MAPKAP1: variants seen among roughly 807,000 people sequenced by gnomAD.
The protein encoded by MAPKAP1 is MAPK associated protein 1, also known as target of rapamycin complex 2 subunit MAPKAP1.
MAPKAP1 carries 20 observed loss-of-function variants against 65.7 expected under a neutral mutation model. That is an observed-to-expected ratio of 0.30 (90% CI 0.21 to 0.44). The LOEUF is 0.44. Ranked by LOEUF, MAPKAP1 falls within the 20% of genes least tolerant of loss-of-function variation. The pLI is 1.00. For synonymous variants in MAPKAP1, 222 were observed against 244.3 expected (o/e 0.91, Z 0.85); for missense variants, 423 against 648.0 (o/e 0.65, Z 3.77).
intron 3 of MAPKAP1, among the ~76,000 whole-genome samples, chr9:125,668,703 C>G (rs972276963): frequency 1.3e-5 from 2 of 152,136 alleles, no homozygotes; most frequent in Admixed American, 6.5e-5. Context: ...ATATGGCCAG[C>G]CTTTATACAC....
chr9:125,504,593 T>C (rs998339018), intron 8 of MAPKAP1, among the ~76,000 whole-genome samples: 7 of 151,840 alleles, frequency 4.6e-5, no homozygotes, highest in African/African-American at 1.7e-4. Flanking sequence ...CTGGCCAACA[T>C]AGCAAAACTC....
chr9:125,652,648 A>G (rs1377219276), intron 4 of MAPKAP1, among the ~76,000 whole-genome samples: 1 of 152,194 alleles, frequency 6.6e-6, no homozygotes, highest in Non-Finnish European at 1.5e-5. Context: ...CATTCCCCTT[A>G]TATTTAGAAA....
chr9:125,693,784 T>C (rs932406324), intron 1 of MAPKAP1, among the ~76,000 whole-genome samples: 1 of 148,650 alleles, frequency 6.7e-6, no homozygotes, highest in African/African-American at 2.5e-5. Flanking sequence ...TATATACACG[T>C]ATATATATAC....
At chr9:125,645,713 C>A (rs1427993812) in intron 4 of MAPKAP1, among the ~76,000 whole-genome samples, 2 of 132,660 alleles carry the variant, frequency 1.5e-5, no homozygotes, top group African/African-American at 2.9e-5. Flanking sequence ...CTCCGGCCTG[C>A]GTGATGGAGC....
chr9:125,557,011 T>C (rs1171620001), intron 6 of MAPKAP1, among the ~76,000 whole-genome samples: 2 of 152,224 alleles, frequency 1.3e-5, no homozygotes, highest in Non-Finnish European at 2.9e-5. Flanking sequence ...ATAAACTCTC[T>C]TGAATTTTAA....
Position 125,595,986 on chromosome 9 carries a change from T to A in MAPKAP1, c.499-10259A>T. 2 of 1,525,562 alleles carry A rather than the reference T, an allele frequency of 1.3e-6. No homozygotes were observed. The highest frequency in any genetic ancestry group is 1.8e-6 in the Non-Finnish European group (2 of 1,115,292). 94.5% of individuals were successfully genotyped at this position (1,525,562 alleles called of 1,614,324 possible). On this transcript the variant is annotated intron_variant, in intron 4 of 11. Coordinates refer to ENST00000265960, the MANE Select transcript of MAPKAP1 (RefSeq NM_001006617.3). This position sits in a 1 kb window ranked among gnomAD's most constrained non-coding sequence, Gnocchi z 4.0. ...TGCCCACTTAACTGTGAAAAAGATA[T>A]TTGTTGGTGGCATTAAAGAAGACAC... is the stretch of plus-strand genomic sequence containing the variant.
In MAPKAP1 at chr9:125,515,663, TC is replaced by T. The variant is rs1457457116; in HGVS notation, c.959-9247del. Among the ~76,000 whole-genome samples the T allele has an allele frequency of 2.0e-5, 3 of 152,202 alleles. No individual in the cohort carries two copies. In the East Asian group the frequency reaches 5.8e-4, roughly 29 times the overall value. ...ACTAAATTGAACCGATCACCAGAGA[TC>T]AACTAAGTTCGGCCCTGGCCACTTC... On this transcript the variant is annotated intron_variant, in intron 7 of 11. Transcript: ENST00000265960.
chr9:125,628,791 G>C (rs1451783764), intron 4 of MAPKAP1, among the ~76,000 whole-genome samples: 1 of 151,992 alleles, frequency 6.6e-6, no homozygotes, highest in Non-Finnish European at 1.5e-5. Context: ...CTATGCAACA[G>C]GACAAAATAT....
intron 8 of MAPKAP1, among the ~76,000 whole-genome samples, chr9:125,494,571 G>A (rs1233273925): frequency 2.0e-5 from 3 of 152,210 alleles, no homozygotes; most frequent in Admixed American, 6.5e-5. Flanking sequence ...GTAGAATTTC[G>A]AAAAAGAGCA....
At chr9:125,477,033 G>A (rs1199262890) in intron 9 of MAPKAP1, among the ~76,000 whole-genome samples, 2 of 152,156 alleles carry the variant, frequency 1.3e-5, no homozygotes, top group Non-Finnish European at 2.9e-5. Flanking sequence ...TTTTCATAAA[G>A]AACTACCATA....
chr9:125,577,454 C>T (rs1750076590), intron 5 of MAPKAP1, among the ~76,000 whole-genome samples: 1 of 142,234 alleles, frequency 7.0e-6, no homozygotes, highest in South Asian at 2.3e-4. Flanking sequence ...CAGCCCCCCG[C>T]CCAGCCAGCC....
rs1589248315 is a variant in MAPKAP1 at position 125,512,336 on chromosome 9, T to C, written c.959-5919A>G. Among the ~76,000 whole-genome samples the C allele has an allele frequency of 5.3e-5, 8 of 152,304 alleles. 2 individuals are homozygous for C. The highest frequency in any genetic ancestry group is 5.2e-4 in the Admixed American group (8 of 15,298). On this transcript the variant is annotated intron_variant, in intron 7 of 11. Transcript: ENST00000265960. ...ATCCTGGTATCAGGAAAAGCTGTAC[T>C]TCCCTGGAGCAAAGGGCTTGCTTTT...
chr9:125,609,602 C>T (rs1348649207), intron 4 of MAPKAP1, among the ~76,000 whole-genome samples: 1 of 152,152 alleles, frequency 6.6e-6, no homozygotes, highest in East Asian at 1.9e-4. Flanking sequence ...TTGCCTCTGC[C>T]TCCTGAATAG....
At chr9:125,454,047 G>T (rs6478705) in intron 10 of MAPKAP1, among the ~76,000 whole-genome samples, 74,421 of 152,012 alleles carry the variant, frequency 0.49, 19,083 homozygotes, top group African/African-American at 0.66. Flanking sequence ...GTTATAATAA[G>T]GTTCCATGAA....
intron 4 of MAPKAP1, among the ~76,000 whole-genome samples, chr9:125,632,431 T>G (rs1283668898): frequency 6.6e-6 from 1 of 152,080 alleles, no homozygotes; most frequent in Non-Finnish European, 1.5e-5. Flanking sequence ...ATGCATGAGT[T>G]TTCCTTCTAA....
intron 1 of MAPKAP1, among the ~76,000 whole-genome samples, chr9:125,698,646 AGC>A (rs1169135109): frequency 6.6e-6 from 1 of 151,856 alleles, no homozygotes; most frequent in African/African-American, 2.4e-5. Flanking sequence ...CCGGCCCGGT[AGC>A]TCTATATTTT....
At chr9:125,494,922 G>A (rs1854884424) in intron 8 of MAPKAP1, among the ~76,000 whole-genome samples, 1 of 152,200 alleles carries the variant, frequency 6.6e-6, no homozygotes, top group African/African-American at 2.4e-5. Flanking sequence ...CTGGCCCAGA[G>A]GAGGGCTCAA....
At chr9:125,506,749 T>C (rs950501300) in intron 7 of MAPKAP1, among the ~76,000 whole-genome samples, 1 of 152,214 alleles carries the variant, frequency 6.6e-6, no homozygotes, top group African/African-American at 2.4e-5. Flanking sequence ...ATATGTAATG[T>C]AGGAATAGTT....
chr9:125,695,663 C>T (rs983406756), intron 1 of MAPKAP1, among the ~76,000 whole-genome samples: 14 of 151,708 alleles, frequency 9.2e-5, no homozygotes, highest in African/African-American at 3.1e-4. Context: ...AATCAGTATG[C>T]GCATTTGAAA....
Sources: gnomAD v4.1 joint callset for allele counts (sites outside exome capture counted in the v4.1 genomes callset) on GRCh38, gnomAD v4.1.1 for gene constraint, Gnocchi (gnomAD v3.1) non-coding constraint, MANE v1.5 for transcripts, NCBI Gene and HGNC (gene_info 2026-07-23, HGNC 2026-07-21) for gene names.